Variants in NLGN1 observed in about 807,000 individuals in gnomAD.
The protein encoded by NLGN1 is neuroligin 1.
Under a neutral mutation model 65.5 loss-of-function variants are expected in NLGN1, and 12 were observed. That is an observed-to-expected ratio of 0.18 (90% CI 0.12 to 0.30). NLGN1 has a LOEUF of 0.30. Ranked by LOEUF, NLGN1 falls within the 10% of genes least tolerant of loss-of-function variation. The pLI is 1.00. For missense variants in NLGN1, 750 were observed against 1,007.1 expected (o/e 0.74, Z 3.46); for synonymous variants, 350 against 359.5 (o/e 0.97, Z 0.30).
At chr3:174,260,889 A>G (rs1232824540) in intron 4 of NLGN1, among the ~76,000 whole-genome samples, 2 of 147,872 alleles carry the variant, frequency 1.4e-5, no homozygotes, top group Non-Finnish European at 3.0e-5. Context: ...ATCCAGTTTC[A>G]GCTTTCTACA....
At chr3:174,291,023 A>AC (rs1467681440), downstream of NLGN1, among the ~76,000 whole-genome samples, 3 of 150,854 alleles carry the variant, frequency 2.0e-5, no homozygotes, top group Admixed American at 6.6e-5. Context: ...ATTATAAATA[A>AC]AAGAAAAAAT....
At chr3:174,094,743 C>T (rs1264716157) in intron 4 of NLGN1, among the ~76,000 whole-genome samples, 8 of 97,838 alleles carry the variant, frequency 8.2e-5, no homozygotes, top group Admixed American at 2.8e-4. Context: ...TCCTTGGCTC[C>T]GCTAAAAAAA....
At chr3:173,466,126 T>G (rs1250170558) in intron 2 of NLGN1, among the ~76,000 whole-genome samples, 1 of 152,178 alleles carries the variant, frequency 6.6e-6, no homozygotes, top group Non-Finnish European at 1.5e-5. Flanking sequence ...TCAGGTTGTC[T>G]AGTAAAAAGA....
rs147189900 is a variant in NLGN1 at position 174,166,440 on chromosome 3, C to T, written c.647-108875C>T. Among the ~76,000 whole-genome samples the T allele has an allele frequency of 2.1e-3, 322 of 152,036 alleles. 1 individual carries two copies. Among genetic ancestry groups the T allele is most frequent in the African/African-American group, 7.3e-3 (304 of 41,520 alleles). On this transcript the variant is annotated intron_variant, in intron 4 of 6. Transcript: ENST00000457714. ...TTTTTGATTTCTGCTTTAATTTCAT[C>T]GTTTACCCAAACGGATTAAGTTGTT...
intron 4 of NLGN1, among the ~76,000 whole-genome samples, chr3:174,022,182 C>T (rs956235370): frequency 2.0e-5 from 3 of 152,150 alleles, no homozygotes; most frequent in African/African-American, 7.2e-5. Flanking sequence ...ACGTCCAGCA[C>T]TCCCTAGCAG....
intron 3 of NLGN1, among the ~76,000 whole-genome samples, chr3:173,704,308 G>A (rs931242168): frequency 3.9e-5 from 6 of 152,230 alleles, no homozygotes; most frequent in South Asian, 2.1e-4. Flanking sequence ...TGGTAGTTTC[G>A]TTGTTTAAAA....
At chr3:173,606,662 C>T (rs2149454021) in intron 3 of NLGN1, among the ~76,000 whole-genome samples, 1 of 152,020 alleles carries the variant, frequency 6.6e-6, no homozygotes, top group Admixed American at 6.6e-5. Context: ...TAACAAAATT[C>T]ATAACTCAGT....
At chr3:173,694,153 T>G (rs1765863426) in intron 3 of NLGN1, among the ~76,000 whole-genome samples, 1 of 152,120 alleles carries the variant, frequency 6.6e-6, no homozygotes, top group African/African-American at 2.4e-5. Flanking sequence ...TTGTTGCTGG[T>G]CAAAGTTGTG....
chr3:173,406,460 T>C (rs1435893483), intron 1 of NLGN1, among the ~76,000 whole-genome samples: 1 of 150,096 alleles, frequency 6.7e-6, no homozygotes, highest in Non-Finnish European at 1.5e-5. Context: ...TATTTTATTT[T>C]ATATGTATAT....
At chr3:174,170,590 T>C (rs903029760) in intron 4 of NLGN1, among the ~76,000 whole-genome samples, 2 of 152,218 alleles carry the variant, frequency 1.3e-5, no homozygotes, top group African/African-American at 4.8e-5. Flanking sequence ...AAAAACTGAC[T>C]ATACCTTTCA....
intron 4 of NLGN1, among the ~76,000 whole-genome samples, chr3:174,012,741 A>G (rs1725804239): frequency 6.6e-6 from 1 of 152,062 alleles, no homozygotes; most frequent in Non-Finnish European, 1.5e-5. Context: ...TAGATGGTCT[A>G]CTCTCTTTTA....
intron 1 of NLGN1, among the ~76,000 whole-genome samples, chr3:173,421,983 A>G (rs1702389689): frequency 6.6e-6 from 1 of 152,192 alleles, no homozygotes; most frequent in South Asian, 2.1e-4. Context: ...TGATACATAT[A>G]TACAATGTTT....
At chr3:173,575,176 C>T (rs1039320256) in intron 2 of NLGN1, among the ~76,000 whole-genome samples, 1 of 151,856 alleles carries the variant, frequency 6.6e-6, no homozygotes, top group Non-Finnish European at 1.5e-5. Flanking sequence ...CTGCACCCAG[C>T]TCCAGTAATT....
At chr3:173,742,316 C>T (rs975133149) in intron 3 of NLGN1, among the ~76,000 whole-genome samples, 1 of 152,010 alleles carries the variant, frequency 6.6e-6, no homozygotes, top group Non-Finnish European at 1.5e-5. Context: ...GGGCTGATGT[C>T]GCTGTACTAG....
At chr3:174,107,013 C>CAG (rs1459688744) in intron 4 of NLGN1, among the ~76,000 whole-genome samples, 146 of 100,518 alleles carry the variant, frequency 1.5e-3, no homozygotes, top group Middle Eastern at 0.01. Context: ...CACACACACA[C>CAG]ACACAGAGAG....
chr3:173,423,624 G>A (rs1715538010), intron 1 of NLGN1, among the ~76,000 whole-genome samples: 1 of 152,110 alleles, frequency 6.6e-6, no homozygotes, highest in Non-Finnish European at 1.5e-5. Context: ...AATCTCTTTT[G>A]GCTCCATGTC....
chr3:173,414,800 G>C (rs1577342799), intron 1 of NLGN1, among the ~76,000 whole-genome samples: 1 of 152,212 alleles, frequency 6.6e-6, no homozygotes, highest in East Asian at 1.9e-4. Context: ...CACGAAAGGT[G>C]AAGTGGGTGG....
intron 4 of NLGN1, among the ~76,000 whole-genome samples, chr3:174,049,170 G>A (rs1434703615): frequency 6.6e-6 from 1 of 152,084 alleles, no homozygotes; most frequent in South Asian, 2.1e-4. Context: ...ACATAGGAAA[G>A]TTTGGGATTT....
intron 4 of NLGN1, among the ~76,000 whole-genome samples, chr3:174,238,346 A>T (rs1742136488): frequency 6.7e-6 from 1 of 148,572 alleles, no homozygotes; most frequent in Non-Finnish European, 1.5e-5. Flanking sequence ...TCATTTCTTC[A>T]CTATTATGAA....
Sources: gnomAD v4.1 joint callset for allele counts (sites outside exome capture counted in the v4.1 genomes callset) on GRCh38, gnomAD v4.1.1 for gene constraint, MANE v1.5 for transcripts, NCBI Gene and HGNC (gene_info 2026-07-23, HGNC 2026-07-21) for gene names.